The following SLC26A11 variants were observed in gnomAD, a reference collection of about 807,000 sequenced individuals.
SLC26A11 encodes sodium-independent sulfate anion transporter.
Under a neutral mutation model 62.2 loss-of-function variants are expected in SLC26A11, and 58 were observed. The observed-to-expected ratio is 0.93, with a 90% CI of 0.76 to 1.16. The LOEUF (loss-of-function observed/expected upper bound fraction) is 1.16, where lower values mean the gene tolerates loss of function less well. SLC26A11 is among the 50% of genes most tolerant of loss of function. The pLI, the probability that SLC26A11 is intolerant of heterozygous loss-of-function variation, is 0.00. For synonymous variants in SLC26A11, 411 were observed against 368.9 expected, an observed-to-expected ratio of 1.11 and a Z score of -1.31; for missense variants, 790 against 794.3, an observed-to-expected ratio of 0.99 and a Z score of 0.06.
rs1598778886 is a variant in SLC26A11 at position 80,221,535 on chromosome 17, C to T, written c.-13-13C>T. 6.6e-7 allele frequency: 1 copy of T among 1,526,160 alleles called. No individual in the cohort carries two copies. The highest frequency in any genetic ancestry group is 8.8e-7 in the Non-Finnish European group (1 of 1,136,158). 94.5% of individuals were successfully genotyped at this position (1,526,160 alleles called of 1,614,324 possible). Reference sequence around the variant, plus strand: ...CGCTCTGACTGCTGGTCTGTGTCACCTGCACCCCCCAGCCCCACCGTAGAG... The same window carrying T: ...CGCTCTGACTGCTGGTCTGTGTCACTTGCACCCCCCAGCCCCACCGTAGAG... On this transcript the variant is annotated splice_polypyrimidine_tract_variant and intron_variant, in intron 2 of 17. Coordinates refer to ENST00000361193, the MANE Select transcript of SLC26A11 (RefSeq NM_001166347.2).
chr17:80,232,238 C>G (rs2042584594), intron 7 of SLC26A11, among the ~76,000 whole-genome samples: 1 of 151,924 alleles, frequency 6.6e-6, no homozygotes, highest in South Asian at 2.1e-4. Flanking sequence ...TTAGTGTTAG[C>G]ATATCTTTTC....
chr17:80,235,862 A>C (rs1438676842), intron 7 of SLC26A11, among the ~76,000 whole-genome samples: 1 of 152,228 alleles, frequency 6.6e-6, no homozygotes, highest in African/African-American at 2.4e-5. Context: ...AGCAGTGTTC[A>C]TTCTAGGGCA....
At chr17:80,225,438 C>T (rs1489051036) in intron 5 of SLC26A11, 5 of 207,030 alleles carry the variant, frequency 2.4e-5, no homozygotes, top group Non-Finnish European at 4.0e-5. Context: ...CAGCAAGGGT[C>T]TACACTGCAG....
Position 80,246,453 on chromosome 17 carries a change from T to G in SLC26A11, c.1154-56T>G. 6.3e-7 allele frequency: 1 copy of G among 1,598,836 alleles called. No homozygotes were observed. The highest frequency in any genetic ancestry group is 1.1e-5 in the South Asian group (1 of 90,928). Reference sequence around the variant, plus strand: ...TCTGCTGAACAAGAGGCTGCTACGCTGCGTGCTGGGGGGACCCTGCACTCC... The same window carrying G: ...TCTGCTGAACAAGAGGCTGCTACGCGGCGTGCTGGGGGGACCCTGCACTCC... On this transcript the variant is annotated intron_variant, in intron 12 of 17. Coordinates refer to ENST00000361193, the MANE Select transcript of SLC26A11 (RefSeq NM_001166347.2). The surrounding 1 kb of genome is among the most constrained non-coding windows in gnomAD (Gnocchi z 4.4).
intron 7 of SLC26A11, among the ~76,000 whole-genome samples, chr17:80,231,828 T>C (rs1416357646): frequency 6.6e-6 from 1 of 152,252 alleles, no homozygotes; most frequent in African/African-American, 2.4e-5. Context: ...TCTGTTTTCC[T>C]TTATTGAGAG....
intron 5 of SLC26A11, among the ~76,000 whole-genome samples, chr17:80,224,767 C>A (rs538138496): frequency 1.3e-5 from 2 of 152,010 alleles, no homozygotes; most frequent in Non-Finnish European, 2.9e-5. Flanking sequence ...GAGTGGAGAG[C>A]GGAGAGTGGA....
intron 7 of SLC26A11, among the ~76,000 whole-genome samples, chr17:80,236,204 T>C (rs1045466893): frequency 6.6e-6 from 1 of 152,138 alleles, no homozygotes; most frequent in Non-Finnish European, 1.5e-5. Context: ...TTCCCCACTG[T>C]GGGTTTGGGT....
chr17:80,242,929 A>G (rs9674655), intron 10 of SLC26A11, among the ~76,000 whole-genome samples: 56,644 of 151,898 alleles, frequency 0.37, 10,710 homozygotes, highest in African/African-American at 0.41. Flanking sequence ...GGCTGGTCTC[A>G]AACTCCTGAC....
chr17:80,237,710 A>C lies in SLC26A11; in HGVS notation c.985+116A>C, dbSNP rs557467505. On this transcript the variant is annotated intron_variant, in intron 9 of 17. Coordinates refer to ENST00000361193, the MANE Select transcript of SLC26A11 (RefSeq NM_001166347.2). ...GTTTTAGAAATTTGAATTCATATCCAAGTAATACATGCTCATGATAGATAC... is the reference window on the plus strand; with the variant it reads ...GTTTTAGAAATTTGAATTCATATCCCAGTAATACATGCTCATGATAGATAC... 9.8e-6 allele frequency: 9 copies of C among 915,886 alleles called. No individual in the cohort carries two copies. The South Asian group carries it at 1.1e-4, about 11-fold the overall frequency. The allele number at this position is 915,886 out of a possible 1,614,324, so 56.7% of individuals were successfully genotyped here. A position where few individuals can be genotyped will look rare whatever the true frequency, so the allele number is the denominator to read the frequency against.
At chr17:80,224,332 TGA>T (rs543114066) in intron 5 of SLC26A11, among the ~76,000 whole-genome samples, 50 of 145,300 alleles carry the variant, frequency 3.4e-4, no homozygotes, top group East Asian at 2.7e-3. Flanking sequence ...TGTGTATGAG[TGA>T]GAGTGTGAGA....
At chr17:80,235,477 C>G (rs1485494996) in intron 7 of SLC26A11, among the ~76,000 whole-genome samples, 3 of 152,130 alleles carry the variant, frequency 2.0e-5, no homozygotes, top group Non-Finnish European at 4.4e-5. Context: ...TCACCTCAGC[C>G]CCCCAAGTAG....
At chr17:80,239,398 T>TTTC (rs2042796801) in intron 9 of SLC26A11, among the ~76,000 whole-genome samples, 2 of 150,178 alleles carry the variant, frequency 1.3e-5, no homozygotes, top group African/African-American at 4.9e-5. Context: ...TTTCTTTTTT[T>TTTC]TTTTTTTTCG....
At chr17:80,237,185 G>A (rs2042719620) in intron 8 of SLC26A11, 82 bp downstream of exon 8, 2 of 1,491,432 alleles carry the variant, frequency 1.3e-6, no homozygotes. Context: ...GTATCTGCTG[G>A]GTGCCAGGGG....
chr17:80,236,919 C>T lies in SLC26A11; in HGVS notation c.737-9C>T, dbSNP rs1416533462. On this transcript the variant is annotated splice_polypyrimidine_tract_variant and intron_variant, in intron 7 of 17. Transcript: ENST00000361193. ...CAGGGTCTCGGACGCACCTCTCCTT[C>T]TCTCCTAGCTCGCAACGCCCTGGTG... The T allele has an allele frequency of 3.1e-6, 5 of 1,602,728 alleles. No individual in the cohort carries two copies. The highest frequency in any genetic ancestry group is 3.4e-6 in the Non-Finnish European group (4 of 1,170,696).
At chr17:80,242,621 G>C (rs1322822390) in intron 10 of SLC26A11, among the ~76,000 whole-genome samples, 7 of 152,212 alleles carry the variant, frequency 4.6e-5, no homozygotes, top group Admixed American at 4.6e-4. Context: ...TGTGGATGGG[G>C]GTCATGCCCG....
chr17:80,228,085 T>C lies in SLC26A11; in HGVS notation c.736+125T>C, dbSNP rs1326884966. ...TGGGTGTCACTTGAGCATTGGGACA[T>C]TTAAAACACCACACCAAACTCTGGG... On this transcript the variant is annotated intron_variant, in intron 7 of 17. Transcript: ENST00000361193. This position sits in a 1 kb window ranked among gnomAD's most constrained non-coding sequence, Gnocchi z 4.1. 4 of 711,394 alleles carry C rather than the reference T, an allele frequency of 5.6e-6. No homozygotes were observed. Among genetic ancestry groups the C allele is most frequent in the Non-Finnish European group, 9.1e-6 (4 of 440,070 alleles). 44.1% of individuals were successfully genotyped at this position (711,394 alleles called of 1,614,324 possible).
Position 80,246,633 on chromosome 17 carries a change from G to A in SLC26A11, c.1278G>A (p.Thr426=), listed in dbSNP as rs377016711. The stretch of plus-strand genomic sequence containing the variant: ...TGTTCGACACCAAGATCTTCAGGAC[G>A]CTCTGGCGTGTTAAGAGTACGTCCT... The part of the protein sequence containing the change: ...APLFDTKIFR[T]LWRVKRLDLL... The change falls in exon 13 of 18, where the codon ACG becomes ACA. Residue 426 remains threonine (T), a synonymous_variant. Transcript: ENST00000361193. The surrounding 1 kb of genome is among the most constrained non-coding windows in gnomAD (Gnocchi z 4.4). 1.1e-5 allele frequency: 18 copies of A among 1,613,702 alleles called. No homozygotes were observed. The highest frequency in any genetic ancestry group is 9.3e-5 in the African/African-American group (7 of 74,948).
chr17:80,225,933 TC>T lies in SLC26A11; in HGVS notation c.593+19del. ...AGAGACCAGGTACCCCGGGCTTTGT[TC>T]CTCCCTCCTATAAGGAAGCTCCTTC... On this transcript the variant is annotated intron_variant, in intron 6 of 17. Coordinates refer to ENST00000361193, the MANE Select transcript of SLC26A11 (RefSeq NM_001166347.2). 6.2e-7 allele frequency: 1 copy of T among 1,611,294 alleles called. No homozygotes were observed. The highest frequency in any genetic ancestry group is 8.5e-7 in the Non-Finnish European group (1 of 1,177,716).
intron 16 of SLC26A11, among the ~76,000 whole-genome samples, chr17:80,249,986 G>A (rs576599956): frequency 1.3e-5 from 2 of 152,296 alleles, no homozygotes; most frequent in African/African-American, 4.8e-5. Flanking sequence ...GGCTGAAGAC[G>A]GGTTTCTATG....
Sources: gnomAD v4.1 joint callset for allele counts (sites outside exome capture counted in the v4.1 genomes callset) on GRCh38, gnomAD v4.1.1 for gene constraint, Gnocchi (gnomAD v3.1) non-coding constraint, MANE v1.5 for transcripts, NCBI Gene and HGNC (gene_info 2026-07-23, HGNC 2026-07-21) for gene names.